Variants in SDCCAG8 observed in about 807,000 individuals in gnomAD.
SDCCAG8 encodes serologically defined colon cancer antigen 8.
In SDCCAG8, 74 loss-of-function variants were observed where a neutral mutation model predicts 101.8. That is an observed-to-expected ratio of 0.73 (90% CI 0.60 to 0.88). The LOEUF (loss-of-function observed/expected upper bound fraction) is 0.88, where lower values mean the gene tolerates loss of function less well. Among genes scored for constraint, SDCCAG8 ranks in the 40% least tolerant of loss-of-function variants. The pLI, the probability that SDCCAG8 is intolerant of heterozygous loss-of-function variation, is 0.00. For missense variants in SDCCAG8, 787 were observed against 822.6 expected, an observed-to-expected ratio of 0.96 and a Z score of 0.53; for synonymous variants, 281 against 292.9, an observed-to-expected ratio of 0.96 and a Z score of 0.41.
chr1:243,473,034 A>G (rs1661558104), intron 16 of SDCCAG8, among the ~76,000 whole-genome samples: 1 of 151,974 alleles, frequency 6.6e-6, no homozygotes, highest in Non-Finnish European at 1.5e-5. Flanking sequence ...TTTCATGCTG[A>G]ACATGTTAAG....
intron 16 of SDCCAG8, among the ~76,000 whole-genome samples, chr1:243,470,775 G>A (rs749699247): frequency 1.3e-5 from 2 of 152,154 alleles, no homozygotes; most frequent in Non-Finnish European, 2.9e-5. Flanking sequence ...CCTGTGGCAA[G>A]ACAGCATCAC....
chr1:243,382,870 T>C (rs976901200), intron 13 of SDCCAG8, among the ~76,000 whole-genome samples: 1 of 152,122 alleles, frequency 6.6e-6, no homozygotes, highest in African/African-American at 2.4e-5. Context: ...AGGACACAAT[T>C]AAAGGTGACT....
intron 12 of SDCCAG8, among the ~76,000 whole-genome samples, chr1:243,359,381 AACT>A (rs2076565194): frequency 6.6e-6 from 1 of 152,210 alleles, no homozygotes; most frequent in Admixed American, 6.5e-5. Flanking sequence ...ATGTACTAAA[AACT>A]ATTCAATTGT....
chr1:243,296,787 C>T (rs2070966657), intron 6 of SDCCAG8, among the ~76,000 whole-genome samples: 1 of 151,878 alleles, frequency 6.6e-6, no homozygotes, highest in South Asian at 2.1e-4. Flanking sequence ...CCCGCCTCGG[C>T]CTCCCAAAGT....
chr1:243,439,913 C>A (rs1313457905), intron 16 of SDCCAG8, among the ~76,000 whole-genome samples: 3 of 152,236 alleles, frequency 2.0e-5, no homozygotes, highest in South Asian at 2.1e-4. Flanking sequence ...AAGTCAAATT[C>A]TCTCTCTACT....
At chr1:243,385,751 C>T (rs2078243149) in intron 13 of SDCCAG8, among the ~76,000 whole-genome samples, 1 of 152,046 alleles carries the variant, frequency 6.6e-6, no homozygotes, top group African/African-American at 2.4e-5. Flanking sequence ...GGGCGGATCA[C>T]CTGAGGTCAG....
rs770511642 is a variant in SDCCAG8 at position 243,489,102 on chromosome 1, C to T, written c.2074C>T (p.Gln692Ter). 1 of 1,613,178 alleles carries T rather than the reference C, an allele frequency of 6.2e-7. No homozygotes were observed. Among genetic ancestry groups the T allele is most frequent in the East Asian group, 2.2e-5 (1 of 44,884 alleles). ...GCAGAACCAGCTTCTCCTGGAGAGGCAGAGCCTGTCGGAAGAGGTGGACCG... is the reference window on the plus strand; with the variant it reads ...GCAGAACCAGCTTCTCCTGGAGAGGTAGAGCCTGTCGGAAGAGGTGGACCG... ...SKQNQLLLER[Q>*]SLSEEVDRLR... Residue 692 changes from glutamine to a stop codon, truncating the protein, a stop_gained, in exon 17 of 18, where the codon CAG (glutamine) becomes TAG (stop). Coordinates refer to ENST00000366541, the MANE Select transcript of SDCCAG8 (RefSeq NM_006642.5). LOFTEE classifies it high-confidence loss of function.
At chr1:243,307,867 G>A (rs1446852105) in intron 7 of SDCCAG8, 122 bp from the exon 8 acceptor site, 25 of 1,547,160 alleles carry the variant, frequency 1.6e-5, no homozygotes, top group African/African-American at 5.5e-5. Flanking sequence ...GGTATTGGAC[G>A]TAAACTAAAG....
chr1:243,492,031 G>A lies in SDCCAG8; in HGVS notation c.2112+2891G>A, dbSNP rs555241495. 7.9e-5 allele frequency among the ~76,000 whole-genome samples: 12 copies of A among 152,118 alleles called. No homozygotes were observed. The South Asian group carries it at 1.9e-3, about 24-fold the overall frequency. On this transcript the variant is annotated intron_variant, in intron 17 of 17. Coordinates refer to ENST00000366541, the MANE Select transcript of SDCCAG8 (RefSeq NM_006642.5). ...CTCCCTGTCCTGGGTCCTGAGCCCC[G>A]CTGCCCCTGGTGGTGGGGCTCAGGC...
rs1330731802 is a variant in SDCCAG8 at position 243,256,212 on chromosome 1, T to G, written c.39T>G (p.Ile13Met). The G allele has an allele frequency of 6.2e-7, 1 of 1,614,078 alleles. No individual in the cohort carries two copies. Among genetic ancestry groups the G allele is most frequent in the African/African-American group, 1.3e-5 (1 of 74,928 alleles). The change falls in exon 1 of 18, where the codon ATT (isoleucine) becomes ATG (methionine). Residue 13 changes from isoleucine (I) to methionine (M), a missense_variant. By Grantham distance (10) the Ile-to-Met change is conservative. Transcript: ENST00000366541. ...KSPENSTLEE[I>M]LGQYQRSLRE... Reference sequence around the variant, plus strand: ...CGGAGAACTCTACCCTGGAGGAGATTCTGGGGCAGTATCAACGGAGTCTCC... The same window carrying G: ...CGGAGAACTCTACCCTGGAGGAGATGCTGGGGCAGTATCAACGGAGTCTCC...
intron 16 of SDCCAG8, among the ~76,000 whole-genome samples, chr1:243,449,707 A>G (rs964832983): frequency 1.4e-4 from 21 of 152,260 alleles, no homozygotes; most frequent in African/African-American, 5.1e-4. Context: ...CGTAGTTCTC[A>G]TTTTGAATTA....
chr1:243,368,096 G>A lies in SDCCAG8; in HGVS notation c.1474-10625G>A, dbSNP rs1355014160. Among the ~76,000 whole-genome samples the A allele has an allele frequency of 2.0e-5, 3 of 151,776 alleles. No individual in the cohort carries two copies. The East Asian group carries it at 5.8e-4, about 29-fold the overall frequency. Reference sequence around the variant, plus strand: ...CCTGGCATGGTGACACAGACGTGTAGTCCCAGCTACTTGGGAGACTGAGGC... The same window carrying A: ...CCTGGCATGGTGACACAGACGTGTAATCCCAGCTACTTGGGAGACTGAGGC... On this transcript the variant is annotated intron_variant, in intron 12 of 17. Coordinates refer to ENST00000366541, the MANE Select transcript of SDCCAG8 (RefSeq NM_006642.5).
chr1:243,439,622 TCACACACA>T (rs60044857), intron 16 of SDCCAG8, among the ~76,000 whole-genome samples: 86 of 120,198 alleles, frequency 7.2e-4, no homozygotes, highest in South Asian at 1.5e-3. Context: ...TGAGACTCCA[TCACACACA>T]CACACACACA....
intron 16 of SDCCAG8, among the ~76,000 whole-genome samples, chr1:243,449,156 G>T (rs1375038659): frequency 1.3e-5 from 2 of 152,148 alleles, no homozygotes; most frequent in Non-Finnish European, 2.9e-5. Flanking sequence ...TGGAGTGGCT[G>T]CCTGGCTCTA....
chr1:243,339,143 G>GACCTCAGA (rs1344440818), intron 10 of SDCCAG8, among the ~76,000 whole-genome samples: 28 of 152,166 alleles, frequency 1.8e-4, no homozygotes, highest in East Asian at 3.9e-4. Flanking sequence ...GTGGGCAGAG[G>GACCTCAGA]AAGGGAATGA....
At chr1:243,371,037 T>C (rs1212566188) in intron 12 of SDCCAG8, among the ~76,000 whole-genome samples, 1 of 152,118 alleles carries the variant, frequency 6.6e-6, no homozygotes, top group Non-Finnish European at 1.5e-5. Context: ...CGTCTTCAAG[T>C]CACTAGCCCT....
chr1:243,274,171 G>T (rs2068324301), intron 3 of SDCCAG8, among the ~76,000 whole-genome samples: 1 of 152,310 alleles, frequency 6.6e-6, no homozygotes, highest in South Asian at 2.1e-4. Context: ...ATTTCATGTG[G>T]TGAGAGCCAG....
chr1:243,319,802 A>G (rs1325917390), intron 9 of SDCCAG8, among the ~76,000 whole-genome samples: 3 of 152,092 alleles, frequency 2.0e-5, no homozygotes, highest in African/African-American at 4.8e-5. Flanking sequence ...TAACTCTACT[A>G]TATCCCCTAC....
intron 10 of SDCCAG8, among the ~76,000 whole-genome samples, chr1:243,337,929 A>G (rs2075123362): frequency 6.6e-6 from 1 of 152,110 alleles, no homozygotes; most frequent in Non-Finnish European, 1.5e-5. Flanking sequence ...AGGGGATTTA[A>G]TTATTATTAG....
Sources: allele counts gnomAD v4.1 joint callset (sites outside exome capture counted in the v4.1 genomes callset), GRCh38; gene constraint gnomAD v4.1.1; transcripts MANE v1.5; gene names NCBI Gene and HGNC (gene_info 2026-07-23, HGNC 2026-07-21).